BRD8: variants seen among roughly 807,000 people sequenced by gnomAD.
BRD8 encodes the protein bromodomain containing 8.
In BRD8, 67 loss-of-function variants were observed where a neutral mutation model predicts 143.1. The ratio of observed to expected loss-of-function variants is 0.47; its 90% CI spans 0.38 to 0.57. The LOEUF (loss-of-function observed/expected upper bound fraction) is 0.57, where lower values mean the gene tolerates loss of function less well. BRD8 is among the 20% of genes least tolerant of loss of function. The probability of loss-of-function intolerance (pLI) is 0.00; values close to 1 mark genes in which losing one functional copy is unlikely to be tolerated. For missense variants in BRD8, 1,103 were observed against 1,503.0 expected (o/e 0.73, Z 4.40); for synonymous variants, 505 against 517.1 (o/e 0.98, Z 0.32).
Position 138,162,042 on chromosome 5 carries a change from A to G in BRD8, c.2180+12T>C. 1 of 1,609,446 alleles carries G rather than the reference A, an allele frequency of 6.2e-7. No homozygotes were observed. Among genetic ancestry groups the G allele is most frequent in the Non-Finnish European group, 8.5e-7 (1 of 1,177,694 alleles). On this transcript the variant is annotated intron_variant, in intron 16 of 26. Transcript: ENST00000254900. ...GAGAAAATGAACCTACTGACTGGTA[A>G]AGCCCACTCACCTATGATTAGCTGC... is the stretch of plus-strand genomic sequence containing the variant.
At chr5:138,151,082 A>G in intron 21 of BRD8, 74 bp from the exon 22 acceptor site, 2 of 1,518,418 alleles carry the variant, frequency 1.3e-6, no homozygotes, top group East Asian at 2.3e-5. Flanking sequence ...ACAATGCCAC[A>G]TGCTAACACT....
intron 10 of BRD8, 53 bp downstream of exon 10, chr5:138,166,465 C>T: frequency 8.0e-7 from 1 of 1,252,750 alleles, no homozygotes. Context: ...TCATTTTTCT[C>T]TAACTAAAGC....
intron 21 of BRD8, among the ~76,000 whole-genome samples, chr5:138,151,785 T>A (rs1456527791): frequency 1.3e-5 from 2 of 152,212 alleles, no homozygotes; most frequent in Non-Finnish European, 2.9e-5. Context: ...TGCCTCAGCC[T>A]CCCAGGTAGC....
At position 138,176,872 on chromosome 5, in the gene BRD8, C is replaced by T. The variant is rs142605405; in HGVS notation, c.116+699G>A. Among the ~76,000 whole-genome samples, 482 of 151,538 alleles carry T rather than the reference C, an allele frequency of 3.2e-3. 6 individuals carry two copies. Among genetic ancestry groups the T allele is most frequent in the Middle Eastern group, 0.014 (4 of 290 alleles). ...CAGTAGGTTGGGCGGATCGCTCGAACGCAGGAGTTCGAGACCAGCCTAGGA... is the reference window on the plus strand; with the variant it reads ...CAGTAGGTTGGGCGGATCGCTCGAATGCAGGAGTTCGAGACCAGCCTAGGA... On this transcript the variant is annotated intron_variant, in intron 2 of 26. Coordinates refer to ENST00000254900, the MANE Select transcript of BRD8 (RefSeq NM_139199.2).
chr5:138,153,673 CTTTTTTT>C (rs67848204), intron 20 of BRD8, among the ~76,000 whole-genome samples: 25 of 107,360 alleles, frequency 2.3e-4, no homozygotes, highest in Admixed American at 1.7e-3. Flanking sequence ...CTTTTCTTTT[CTTTTTTT>C]TTTTTTTTTT....
intron 20 of BRD8, among the ~76,000 whole-genome samples, chr5:138,155,262 C>A (rs1334456079): frequency 1.3e-5 from 2 of 151,682 alleles, no homozygotes; most frequent in South Asian, 4.2e-4. Context: ...GCCTGACCAA[C>A]ATGGAGAAAC....
intron 16 of BRD8, 27 bp from the exon 17 acceptor site, chr5:138,161,891 A>G: frequency 6.2e-7 from 1 of 1,612,436 alleles, no homozygotes; most frequent in Non-Finnish European, 8.5e-7. Flanking sequence ...AGGTGCAATT[A>G]CTGACATTCT....
intron 8 of BRD8, chr5:138,168,351 A>G: frequency 1.3e-6 from 1 of 777,206 alleles, no homozygotes. Context: ...TTAACATTTA[A>G]TTAGGAGATC....
At chr5:138,170,778 G>T (rs1300599930) in intron 6 of BRD8, 54 bp downstream of exon 6, 2 of 1,476,054 alleles carry the variant, frequency 1.4e-6, no homozygotes, top group Non-Finnish European at 1.9e-6. Context: ...ATTACTTGAG[G>T]GGAAAAGAGG....
At chr5:138,162,311 C>T (rs1753057512) in intron 15 of BRD8, among the ~76,000 whole-genome samples, 165 bp from the exon 16 acceptor site, 1 of 152,164 alleles carries the variant, frequency 6.6e-6, no homozygotes, top group African/African-American at 2.4e-5. Context: ...CCTCTCACCT[C>T]AGCCTCCCAA....
At chr5:138,168,473 T>C (rs748213695) in intron 8 of BRD8, 8 of 1,602,752 alleles carry the variant, frequency 5.0e-6, no homozygotes, top group Non-Finnish European at 3.4e-6. Flanking sequence ...TCCATACCAG[T>C]CTGGGGCTAG....
rs756982584 is a variant in BRD8 at position 138,176,571 on chromosome 5, C to G, written c.116+1000G>C. Among the ~76,000 whole-genome samples, 55 of 152,032 alleles carry G rather than the reference C, an allele frequency of 3.6e-4. 1 individual carries two copies. The highest frequency in any genetic ancestry group is 6.0e-4 in the Non-Finnish European group (41 of 68,016). ...CCTGTGTGACAGTGAGACTCTGTCT[C>G]AAATTAATTAATTAATTAATAGAAA... On this transcript the variant is annotated intron_variant, in intron 2 of 26. Coordinates refer to ENST00000254900, the MANE Select transcript of BRD8 (RefSeq NM_139199.2).
intron 17 of BRD8, 147 bp from the exon 18 acceptor site, chr5:138,161,215 T>G (rs1437219820): frequency 1.8e-6 from 1 of 570,470 alleles, no homozygotes; most frequent in Non-Finnish European, 3.0e-6. Context: ...TCCCAAAACA[T>G]GCACTTAACC....
intron 23 of BRD8, among the ~76,000 whole-genome samples, chr5:138,148,393 C>A (rs982275511): frequency 2.6e-5 from 4 of 152,054 alleles, no homozygotes; most frequent in Non-Finnish European, 5.9e-5. Flanking sequence ...TTTTCTGAGA[C>A]AGGGTCTTGC....
rs751883260 is a variant in BRD8, at chr5:138,167,700, A to G, written c.787+234T>C. On this transcript the variant is annotated intron_variant, in intron 9 of 26. Transcript: ENST00000254900. ...TTGCAAGCCCTAAGAAAGCAGTTCA[A>G]TATTACTCTCAATATCCATGCTGTG... The G allele has an allele frequency of 2.9e-4, 141 of 479,714 alleles. No homozygotes were observed. The Middle Eastern group carries it at 4.4e-3, about 15-fold the overall frequency. The allele number at this position is 479,714 out of a possible 1,614,324, so 29.7% of individuals were successfully genotyped here. A position where few individuals can be genotyped will look rare whatever the true frequency, so the allele number is the denominator to read the frequency against.
At chr5:138,166,330 A>C (rs1753419354) in intron 10 of BRD8, 188 bp downstream of exon 10, 3 of 615,984 alleles carry the variant, frequency 4.9e-6, no homozygotes, top group Non-Finnish European at 8.5e-6. Context: ...TCTTCCTGCA[A>C]TACATAAATG....
At chr5:138,145,359 C>A in intron 24 of BRD8, 114 bp from the exon 25 acceptor site, 1 of 820,184 alleles carries the variant, frequency 1.2e-6, no homozygotes, top group Non-Finnish European at 1.9e-6. Flanking sequence ...CTGTCAGCAC[C>A]ATTAGGAAAA....
At chr5:138,142,204 G>A (rs569768168) in intron 25 of BRD8, among the ~76,000 whole-genome samples, 1 of 152,264 alleles carries the variant, frequency 6.6e-6, no homozygotes, top group East Asian at 1.9e-4. Context: ...CCCCTCTGCA[G>A]AATACAACAA....
In BRD8 at chr5:138,165,975, T is replaced by C. The variant is rs751785523; in HGVS notation, c.1131A>G (p.Ala377=). The C allele has an allele frequency of 7.4e-6, 12 of 1,614,094 alleles. No individual in the cohort carries two copies. The highest frequency in any genetic ancestry group is 1.3e-5 in the African/African-American group (1 of 74,924). Residue 377 remains alanine, a synonymous_variant, in exon 11 of 27, where the codon GCA becomes GCG. Transcript: ENST00000254900. The stretch of plus-strand genomic sequence containing the variant: ...GAGCCTTTGATCCAACAGGAGCCTC[T>C]GCTACCCCTGATCGAAAACACTCTT... ...IKEECFRSGV[A]EAPVGSKAPS...
Sources: gnomAD v4.1 joint callset for allele counts (sites outside exome capture counted in the v4.1 genomes callset) on GRCh38, gnomAD v4.1.1 for gene constraint, MANE v1.5 for transcripts, NCBI Gene and HGNC (gene_info 2026-07-23, HGNC 2026-07-21) for gene names.